Variants in PEX14 observed in about 807,000 individuals in gnomAD.
The protein encoded by PEX14 is peroxisomal biogenesis factor 14.
A neutral mutation model predicts 49.5 loss-of-function variants in PEX14; 15 were observed. The observed-to-expected ratio is 0.30, with a 90% CI of 0.20 to 0.47. The LOEUF (loss-of-function observed/expected upper bound fraction) is 0.47, where lower values mean the gene tolerates loss of function less well. Among genes scored for constraint, PEX14 ranks in the 20% least tolerant of loss-of-function variants. The probability of loss-of-function intolerance (pLI) is 1.00; values close to 1 mark genes in which losing one functional copy is unlikely to be tolerated. For synonymous variants in PEX14, 210 were observed against 212.7 expected (o/e 0.99, Z 0.11); for missense variants, 398 against 494.8 (o/e 0.80, Z 1.86).
At chr1:10,519,030 ACT>A (rs1360517499) in intron 2 of PEX14, among the ~76,000 whole-genome samples, 1 of 152,002 alleles carries the variant, frequency 6.6e-6, no homozygotes, top group Non-Finnish European at 1.5e-5. Flanking sequence ...GTCGAGCCAA[ACT>A]CTCATCCTCT....
intron 1 of PEX14, among the ~76,000 whole-genome samples, chr1:10,477,507 A>T (rs1265207510): frequency 2.0e-5 from 3 of 152,234 alleles, no homozygotes; most frequent in African/African-American, 4.8e-5. Context: ...CATTTCTCCG[A>T]TTAAAGCAGA....
intron 5 of PEX14, among the ~76,000 whole-genome samples, chr1:10,621,190 A>T (rs1641580332): frequency 7.2e-6 from 1 of 139,564 alleles, no homozygotes; most frequent in Non-Finnish European, 1.6e-5. Context: ...TCTCGAAATT[A>T]AAAAAAAAAA....
chr1:10,560,916 C>T (rs974894402), intron 3 of PEX14, among the ~76,000 whole-genome samples: 5 of 151,942 alleles, frequency 3.3e-5, no homozygotes, highest in South Asian at 2.1e-4. Flanking sequence ...CGGGGTTTCA[C>T]CATATTGGCC....
chr1:10,593,472 A>G (rs1027392662), intron 3 of PEX14, among the ~76,000 whole-genome samples: 2 of 152,074 alleles, frequency 1.3e-5, no homozygotes, highest in Non-Finnish European at 2.9e-5. Flanking sequence ...TTGTTCTTGA[A>G]TTTACATATC....
Position 10,627,328 on chromosome 1 carries a change from C to T in PEX14, c.642C>T (p.Ser214=), listed in dbSNP as rs751362894. 9.3e-6 allele frequency: 15 copies of T among 1,612,964 alleles called. No individual in the cohort carries two copies. Among genetic ancestry groups the T allele is most frequent in the African/African-American group, 4.0e-5 (3 of 74,908 alleles). Reference sequence around the variant, plus strand: ...CCCAGAATATCAACGAACTCAAGTCCGAAATTAACTCCTTGAAAGGGCTTC... The same window carrying T: ...CCCAGAATATCAACGAACTCAAGTCTGAAATTAACTCCTTGAAAGGGCTTC... ...LESQNINELK[S]EINSLKGLLL... is the part of the protein sequence containing the mutation. The change falls in exon 8 of 9, where the codon TCC becomes TCT. Residue 214 remains serine, a synonymous_variant. Transcript: ENST00000356607.
At chr1:10,551,519 C>T (rs1021483278) in intron 3 of PEX14, among the ~76,000 whole-genome samples, 11 of 152,096 alleles carry the variant, frequency 7.2e-5, no homozygotes, top group African/African-American at 2.7e-4. Context: ...TTAGAGGTGA[C>T]TCCAGGGCAG....
intron 4 of PEX14, among the ~76,000 whole-genome samples, chr1:10,607,753 T>G (rs1269849946): frequency 6.6e-6 from 1 of 152,254 alleles, no homozygotes; most frequent in African/African-American, 2.4e-5. Context: ...GAATGAGGTT[T>G]TTAATGTATT....
At chr1:10,517,299 G>T (rs1312881137) in intron 2 of PEX14, among the ~76,000 whole-genome samples, 1 of 152,186 alleles carries the variant, frequency 6.6e-6, no homozygotes, top group South Asian at 2.1e-4. Flanking sequence ...CAGTGGAGGT[G>T]GGGGTGAGGG....
chr1:10,579,683 A>G (rs1640254176), intron 3 of PEX14, among the ~76,000 whole-genome samples: 1 of 152,104 alleles, frequency 6.6e-6, no homozygotes, highest in Admixed American at 6.5e-5. Flanking sequence ...CTTTTAGACT[A>G]TAGAGGTTAA....
chr1:10,498,864 A>G (rs965800114), intron 2 of PEX14, among the ~76,000 whole-genome samples: 1 of 152,242 alleles, frequency 6.6e-6, no homozygotes, highest in Non-Finnish European at 1.5e-5. Context: ...GAGTTCGGAC[A>G]GGCCTCCAGA....
chr1:10,509,274 C>T (rs72869157), intron 2 of PEX14, among the ~76,000 whole-genome samples: 1 of 152,138 alleles, frequency 6.6e-6, no homozygotes, highest in Non-Finnish European at 1.5e-5. Context: ...CCTCACCTCT[C>T]CAGCTCTCTG....
chr1:10,511,382 T>A (rs530169993), intron 2 of PEX14, among the ~76,000 whole-genome samples: 4 of 152,260 alleles, frequency 2.6e-5, no homozygotes, highest in South Asian at 4.2e-4. Context: ...TCTAATGGCA[T>A]GAGTAGTTGA....
chr1:10,559,642 G>C (rs1054676846), intron 3 of PEX14, among the ~76,000 whole-genome samples: 4 of 152,168 alleles, frequency 2.6e-5, no homozygotes, highest in African/African-American at 9.7e-5. Flanking sequence ...ACGGTGTACA[G>C]CCTGAGTGGA....
intron 4 of PEX14, among the ~76,000 whole-genome samples, chr1:10,616,243 G>A (rs772272659): frequency 1.3e-5 from 2 of 152,088 alleles, no homozygotes; most frequent in Admixed American, 6.6e-5. Context: ...CGCCTGGTGG[G>A]GCTGCGTGCC....
intron 4 of PEX14, among the ~76,000 whole-genome samples, chr1:10,608,364 T>TA (rs1175185031): frequency 3.3e-5 from 5 of 152,166 alleles, no homozygotes; most frequent in South Asian, 2.1e-4. Context: ...TACATGTCTA[T>TA]AAAAAATCAA....
At chr1:10,576,118 A>G (rs1640109541) in intron 3 of PEX14, among the ~76,000 whole-genome samples, 1 of 152,152 alleles carries the variant, frequency 6.6e-6, no homozygotes, top group African/African-American at 2.4e-5. Flanking sequence ...CCCTTTATAT[A>G]TTAAGAATAT....
At chr1:10,548,673 T>A (rs1042350375) in intron 3 of PEX14, among the ~76,000 whole-genome samples, 1 of 152,230 alleles carries the variant, frequency 6.6e-6, no homozygotes, top group South Asian at 2.1e-4. Context: ...AATTTATTTT[T>A]AACTATAGAT....
chr1:10,555,795 T>A (rs536551903), intron 3 of PEX14, among the ~76,000 whole-genome samples: 1 of 152,286 alleles, frequency 6.6e-6, no homozygotes, highest in Admixed American at 6.5e-5. Flanking sequence ...CATTAGGTTT[T>A]CAGAAGAGTC....
At chr1:10,515,894 A>G (rs1641961208) in intron 2 of PEX14, among the ~76,000 whole-genome samples, 2 of 152,152 alleles carry the variant, frequency 1.3e-5, no homozygotes, top group Non-Finnish European at 1.5e-5. Context: ...GGAGAGCAGA[A>G]ACGATATCCT....
Sources: gnomAD v4.1 joint callset for allele counts (sites outside exome capture counted in the v4.1 genomes callset) on GRCh38, gnomAD v4.1.1 for gene constraint, MANE v1.5 for transcripts, NCBI Gene and HGNC (gene_info 2026-07-23, HGNC 2026-07-21) for gene names.